Variants in FRMPD4 observed in about 807,000 individuals in gnomAD.
The protein encoded by FRMPD4 is FERM and PDZ domain-containing protein 4.
Under a neutral mutation model 94.1 loss-of-function variants are expected in FRMPD4, and 22 were observed. The observed-to-expected ratio is 0.23, with a 90% CI of 0.17 to 0.33. The LOEUF is 0.33. FRMPD4 is among the 10% of genes least tolerant of loss of function. The pLI is 1.00. For missense variants in FRMPD4, 1,111 were observed against 1,339.9 expected, an observed-to-expected ratio of 0.83 and a Z score of 2.67; for synonymous variants, 631 against 548.6, an observed-to-expected ratio of 1.15 and a Z score of -2.10.
At chrX:12,485,764 C>A (rs1051701534) in intron 1 of FRMPD4, among the ~76,000 whole-genome samples, 1 of 110,737 alleles carries the variant, frequency 9.0e-6, no homozygotes, top group Non-Finnish European at 1.9e-5. Flanking sequence ...CAAAAATTAG[C>A]CAGGCATGGT....
intron 1 of FRMPD4, among the ~76,000 whole-genome samples, chrX:12,148,381 G>A (rs1364652933): frequency 8.9e-6 from 1 of 112,475 alleles, no homozygotes; most frequent in Non-Finnish European, 1.9e-5. Context: ...ATTCCGTTAA[G>A]CCAAAGCCTA....
chrX:12,352,681 A>C (rs113601937), intron 1 of FRMPD4, among the ~76,000 whole-genome samples: 375 of 112,361 alleles, frequency 3.3e-3, no homozygotes, highest in African/African-American at 9.9e-3. Flanking sequence ...GTAGAGTATA[A>C]ATGAAGAAAA....
chrX:12,325,476 G>A (rs2055272755), intron 1 of FRMPD4, among the ~76,000 whole-genome samples: 2 of 112,484 alleles, frequency 1.8e-5, no homozygotes, highest in Non-Finnish European at 3.8e-5. Context: ...CACTGAAATG[G>A]GGCACTTGAA....
intron 1 of FRMPD4, among the ~76,000 whole-genome samples, chrX:12,438,793 T>G (rs932181335): frequency 1.8e-5 from 2 of 111,317 alleles, no homozygotes; most frequent in Non-Finnish European, 1.9e-5. Context: ...GCTGTGGAGG[T>G]GGCAAGAAAT....
chrX:11,941,260 C>A lies in FRMPD4; in HGVS notation c.95+63242C>A, dbSNP rs1447267985. On this transcript the variant is annotated intron_variant, in intron 3 of 18. Transcript: ENST00000640291. ...AAATCACCGTCTTCTGCGTCGCTCA[C>A]GCTGGGAGCTGTAGACCGGAGCTGT... 1.3e-4 allele frequency among the ~76,000 whole-genome samples: 7 copies of A among 52,722 alleles called. 2 individuals carry two copies. Among genetic ancestry groups the A allele is most frequent in the Non-Finnish European group, 3.2e-4 (7 of 21,840 alleles). 45.8% of individuals were successfully genotyped at this position (52,722 alleles called of 115,157 possible). A position where few individuals can be genotyped will look rare whatever the true frequency, so the allele number is the denominator to read the frequency against.
At chrX:12,534,378 A>C (rs192604143) in intron 2 of FRMPD4, among the ~76,000 whole-genome samples, 2,401 of 112,281 alleles carry the variant, frequency 0.021, 44 homozygotes, top group Admixed American at 0.069. Flanking sequence ...GAGCCCCCCC[A>C]CAGAGTCCCT....
chrX:11,962,189 G>A (rs1404658046), intron 3 of FRMPD4, among the ~76,000 whole-genome samples: 2 of 112,191 alleles, frequency 1.8e-5, no homozygotes, highest in African/African-American at 6.5e-5. Context: ...CTAGAGCTGT[G>A]AGAAGTAAAT....
intron 1 of FRMPD4, among the ~76,000 whole-genome samples, chrX:12,359,852 G>A (rs2055957537): frequency 9.0e-6 from 1 of 111,336 alleles, no homozygotes; most frequent in Non-Finnish European, 1.9e-5. Flanking sequence ...TATGCAGTTG[G>A]TTATAGTTCA....
intron 1 of FRMPD4, among the ~76,000 whole-genome samples, chrX:12,401,393 G>A (rs1400948568): frequency 9.1e-6 from 1 of 109,511 alleles, no homozygotes. Flanking sequence ...CATTCTCCAT[G>A]CAGATGCTGG....
intron 1 of FRMPD4, among the ~76,000 whole-genome samples, chrX:12,229,505 G>A (rs183826275): frequency 9.4e-4 from 105 of 111,592 alleles, no homozygotes; most frequent in African/African-American, 3.3e-3. Context: ...CTGCACATTT[G>A]AAATTCTTAC....
intron 4 of FRMPD4, among the ~76,000 whole-genome samples, chrX:12,654,734 T>C (rs1046323883): frequency 1.8e-5 from 2 of 111,595 alleles, no homozygotes; most frequent in Non-Finnish European, 3.8e-5. Flanking sequence ...CAAGCATGAA[T>C]ACGTATGAGA....
At chrX:12,017,056 T>C (rs1355288486) in intron 3 of FRMPD4, among the ~76,000 whole-genome samples, 1 of 112,200 alleles carries the variant, frequency 8.9e-6, no homozygotes, top group African/African-American at 3.2e-5. Flanking sequence ...TTGACCTAGC[T>C]TTGGGCTCTT....
chrX:12,294,679 G>A (rs770396333), intron 1 of FRMPD4, among the ~76,000 whole-genome samples: 1 of 111,623 alleles, frequency 9.0e-6, no homozygotes, highest in East Asian at 2.8e-4. Flanking sequence ...TAAGATTGAT[G>A]GCTCCCACAC....
intron 3 of FRMPD4, among the ~76,000 whole-genome samples, chrX:11,921,970 C>T (rs2054059152): frequency 9.0e-6 from 1 of 111,577 alleles, no homozygotes; most frequent in Admixed American, 9.5e-5. Context: ...AGCTACACAG[C>T]TGGAAACAAG....
At chrX:12,595,519 T>G (rs1019112131) in intron 2 of FRMPD4, among the ~76,000 whole-genome samples, 1 of 112,215 alleles carries the variant, frequency 8.9e-6, no homozygotes, top group Non-Finnish European at 1.9e-5. Context: ...TGACACATGT[T>G]AATTATTCTG....
intron 1 of FRMPD4, among the ~76,000 whole-genome samples, chrX:12,337,163 A>G (rs1004848784): frequency 1.8e-5 from 2 of 112,229 alleles, no homozygotes; most frequent in African/African-American, 6.5e-5. Flanking sequence ...CATTAAATCC[A>G]TGCAGTATAC....
rs146141067 is a variant in FRMPD4, at chrX:11,926,680, A to C, written c.95+48662A>C. ...ACCACATGATGATCTCAATACATGCATAAAAGTCTTGATAAAATTCAACAC... is the reference window on the plus strand; with the variant it reads ...ACCACATGATGATCTCAATACATGCCTAAAAGTCTTGATAAAATTCAACAC... On this transcript the variant is annotated intron_variant, in intron 3 of 18. Transcript: ENST00000640291. 4.3e-3 allele frequency among the ~76,000 whole-genome samples: 480 copies of C among 112,088 alleles called. 5 individuals are homozygous for C. The highest frequency in any genetic ancestry group is 0.015 in the African/African-American group (459 of 30,829).
chrX:12,712,841 C>T (rs2042010850), intron 14 of FRMPD4, among the ~76,000 whole-genome samples: 2 of 110,758 alleles, frequency 1.8e-5, no homozygotes, highest in Non-Finnish European at 3.8e-5. Context: ...TTGGGGAGTC[C>T]GAGGCGGGTG....
At chrX:12,422,448 C>T (rs2056895776) in intron 1 of FRMPD4, among the ~76,000 whole-genome samples, 1 of 112,036 alleles carries the variant, frequency 8.9e-6, no homozygotes, top group Non-Finnish European at 1.9e-5. Context: ...TTCAAACAAT[C>T]CTAGTTTATT....
Sources: gnomAD v4.1 joint callset for allele counts (sites outside exome capture counted in the v4.1 genomes callset) on GRCh38, gnomAD v4.1.1 for gene constraint, MANE v1.5 for transcripts, NCBI Gene and HGNC (gene_info 2026-07-23, HGNC 2026-07-21) for gene names.